Variants in THSD7B observed in about 807,000 individuals in gnomAD.
THSD7B encodes the protein thrombospondin type-1 domain-containing protein 7B.
A neutral mutation model predicts 213.6 loss-of-function variants in THSD7B; 138 were observed. That is an observed-to-expected ratio of 0.65 (90% confidence interval 0.56 to 0.74). The LOEUF is 0.74. Among genes scored for constraint, THSD7B ranks in the 30% least tolerant of loss-of-function variants. The probability of loss-of-function intolerance (pLI) is 0.00; values close to 1 mark genes in which losing one functional copy is unlikely to be tolerated. For synonymous variants in THSD7B, 742 were observed against 687.0 expected, an observed-to-expected ratio of 1.08 and a Z score of -1.25; for missense variants, 1,931 against 1,991.5, an observed-to-expected ratio of 0.97 and a Z score of 0.58.
intron 16 of THSD7B, among the ~76,000 whole-genome samples, chr2:137,564,875 C>T (rs1681202891): frequency 6.6e-6 from 1 of 152,078 alleles, no homozygotes; most frequent in Non-Finnish European, 1.5e-5. Context: ...CAACCCCTTC[C>T]CCACAAAAAA....
chr2:137,433,941 C>T (rs534268315), intron 14 of THSD7B, among the ~76,000 whole-genome samples: 1 of 152,196 alleles, frequency 6.6e-6, no homozygotes, highest in Admixed American at 6.5e-5. Context: ...TTTTTATATT[C>T]TTAGTTGCTC....
chr2:137,384,841 A>G (rs1275712582), intron 12 of THSD7B, among the ~76,000 whole-genome samples: 1 of 152,136 alleles, frequency 6.6e-6, no homozygotes, highest in Non-Finnish European at 1.5e-5. Flanking sequence ...CAGGCTTAGC[A>G]GAAGATTCTA....
At chr2:137,134,373 C>G (rs1183356453) in intron 5 of THSD7B, among the ~76,000 whole-genome samples, 1 of 152,152 alleles carries the variant, frequency 6.6e-6, no homozygotes, top group African/African-American at 2.4e-5. Context: ...CTTCTGTAGT[C>G]TAGCAGCAGT....
intron 20 of THSD7B, among the ~76,000 whole-genome samples, chr2:137,627,560 G>A (rs1374685538): frequency 6.6e-6 from 1 of 152,188 alleles, no homozygotes. Flanking sequence ...TGTATGTGCT[G>A]ATGTTGTTGA....
intron 10 of THSD7B, among the ~76,000 whole-genome samples, chr2:137,264,010 C>G (rs1218069772): frequency 6.6e-6 from 1 of 152,204 alleles, no homozygotes; most frequent in Non-Finnish European, 1.5e-5. Context: ...AGTTTCACTT[C>G]TGCTGCACTG....
At chr2:136,951,128 A>G (rs1294152588) in intron 2 of THSD7B, among the ~76,000 whole-genome samples, 1 of 152,154 alleles carries the variant, frequency 6.6e-6, no homozygotes, top group Non-Finnish European at 1.5e-5. Context: ...GCCTCACAAC[A>G]TCACTAATTG....
chr2:137,254,476 T>C (rs1289254881), intron 10 of THSD7B, among the ~76,000 whole-genome samples: 1 of 152,202 alleles, frequency 6.6e-6, no homozygotes, highest in African/African-American at 2.4e-5. Context: ...GAGTGGATGT[T>C]TGATTATATT....
At chr2:137,147,215 A>G (rs10168740) in intron 5 of THSD7B, among the ~76,000 whole-genome samples, 4 of 151,798 alleles carry the variant, frequency 2.6e-5, no homozygotes, top group African/African-American at 9.7e-5. Context: ...ATGAATGCAC[A>G]TGGGAAGAAG....
Position 137,512,868 on chromosome 2 carries a change from A to G in THSD7B, c.3139-50353A>G, listed in dbSNP as rs1679996043. Among the ~76,000 whole-genome samples, 3 of 152,302 alleles carry G rather than the reference A, an allele frequency of 2.0e-5. No individual in the cohort carries two copies. In the East Asian group the frequency reaches 5.8e-4, roughly 29 times the overall value. Reference sequence around the variant, plus strand: ...TAATATTTTTCTCACTTTCCAGAAGAGTAAACTAAGCAGAAACAAGATGAA... The same window carrying G: ...TAATATTTTTCTCACTTTCCAGAAGGGTAAACTAAGCAGAAACAAGATGAA... On this transcript the variant is annotated intron_variant, in intron 15 of 27. Coordinates refer to ENST00000409968, the MANE Select transcript of THSD7B (RefSeq NM_001316349.2).
At chr2:137,664,042 T>C (rs1173744280) in intron 26 of THSD7B, among the ~76,000 whole-genome samples, 1 of 151,970 alleles carries the variant, frequency 6.6e-6, no homozygotes, top group Non-Finnish European at 1.5e-5. Flanking sequence ...TTAGTAGAGA[T>C]GAGTTTCGCC....
chr2:136,936,878 C>T (rs116643373), intron 2 of THSD7B, among the ~76,000 whole-genome samples: 1,841 of 152,112 alleles, frequency 0.012, 36 homozygotes, highest in African/African-American at 0.042. Context: ...CTACATCTTC[C>T]TAAATGCCAA....
intron 1 of THSD7B, among the ~76,000 whole-genome samples, chr2:136,833,612 T>C (rs1445819150): frequency 2.0e-5 from 3 of 152,094 alleles, no homozygotes; most frequent in African/African-American, 4.8e-5. Context: ...TACTTTGTGA[T>C]TTTACTTTTG....
chr2:137,631,924 C>T (rs776326142), intron 20 of THSD7B, among the ~76,000 whole-genome samples: 11 of 152,088 alleles, frequency 7.2e-5, no homozygotes, highest in Non-Finnish European at 1.0e-4. Flanking sequence ...CTTTTTAATA[C>T]CTGTTGGTCA....
chr2:137,229,005 G>A (rs545207798), intron 7 of THSD7B, among the ~76,000 whole-genome samples: 1 of 152,274 alleles, frequency 6.6e-6, no homozygotes, highest in South Asian at 2.1e-4. Context: ...TCTTCCAAAA[G>A]TGTGGCCCTC....
At chr2:137,509,315 T>C (rs1288309142) in intron 15 of THSD7B, among the ~76,000 whole-genome samples, 2 of 151,106 alleles carry the variant, frequency 1.3e-5, no homozygotes, top group African/African-American at 2.4e-5. Flanking sequence ...TCCTCTCTCT[T>C]TCTTTTCTCT....
chr2:136,927,251 C>A (rs1401582285), intron 2 of THSD7B, among the ~76,000 whole-genome samples: 1 of 145,570 alleles, frequency 6.9e-6, no homozygotes, highest in Non-Finnish European at 1.5e-5. Flanking sequence ...TTTCCCTTAT[C>A]TCTACATAAT....
At chr2:137,438,610 C>T (rs1451384091) in intron 14 of THSD7B, among the ~76,000 whole-genome samples, 8 of 152,046 alleles carry the variant, frequency 5.3e-5, no homozygotes, top group African/African-American at 2.4e-5. Context: ...GCAATAGTCC[C>T]TGCGATGGTT....
chr2:136,867,894 A>G (rs1220918616), intron 1 of THSD7B, among the ~76,000 whole-genome samples: 2 of 152,194 alleles, frequency 1.3e-5, no homozygotes, highest in Admixed American at 6.5e-5. Context: ...ACACACACAT[A>G]TGTGTGATAT....
At chr2:137,170,433 T>C (rs1680223477) in intron 6 of THSD7B, among the ~76,000 whole-genome samples, 3 of 152,174 alleles carry the variant, frequency 2.0e-5, no homozygotes, top group Admixed American at 2.0e-4. Context: ...TGAGTCTCCA[T>C]TTATTTTTAC....
Sources: allele counts gnomAD v4.1 joint callset (sites outside exome capture counted in the v4.1 genomes callset), GRCh38; gene constraint gnomAD v4.1.1; transcripts MANE v1.5; gene names NCBI Gene and HGNC (gene_info 2026-07-23, HGNC 2026-07-21).